The following SEMA7A variants were observed in gnomAD, a reference collection of about 807,000 sequenced individuals.
SEMA7A encodes the protein semaphorin-7A.
SEMA7A carries 21 observed loss-of-function variants against 67.5 expected under a neutral mutation model. The observed-to-expected ratio is 0.31, with a 90% CI of 0.22 to 0.45. The LOEUF is 0.45. Among genes scored for constraint, SEMA7A ranks in the 20% least tolerant of loss-of-function variants. The probability of loss-of-function intolerance (pLI) is 1.00; values close to 1 mark genes in which losing one functional copy is unlikely to be tolerated. For missense variants in SEMA7A, 774 were observed against 908.6 expected (o/e 0.85, Z 1.90); for synonymous variants, 364 against 368.5 (o/e 0.99, Z 0.14).
Position 74,417,985 on chromosome 15 carries a change from AGAAG to A in SEMA7A, c.373-20_373-17del, listed in dbSNP as rs2141278725. On this transcript the variant is annotated splice_polypyrimidine_tract_variant and intron_variant, in intron 3 of 13. Transcript: ENST00000261918. ...TCTCGCAGTCCTGCCCGGGGAAGAG[AGAAG>A]GGAGGAGAGAAATTGGTTGCTGGAA... is the stretch of plus-strand genomic sequence containing the variant. 1 of 1,611,536 alleles carries A rather than the reference AGAAG, an allele frequency of 6.2e-7. No homozygotes were observed. The highest frequency in any genetic ancestry group is 2.2e-5 in the East Asian group (1 of 44,852).
At chr15:74,420,490 C>T (rs898600455) in intron 1 of SEMA7A, among the ~76,000 whole-genome samples, 4 of 152,184 alleles carry the variant, frequency 2.6e-5, no homozygotes, top group African/African-American at 9.7e-5. Flanking sequence ...TCCTGGTGCA[C>T]ATCACAAACA....
chr15:74,430,916 T>G lies in SEMA7A; in HGVS notation c.178+2825A>C, dbSNP rs1018505678. ...AAGTCAACAATAACATCCCGTTGTT[T>G]CACTGGACAAAAGCGAGGGAGGGCA... On this transcript the variant is annotated intron_variant, in intron 1 of 13. Transcript: ENST00000261918. Among the ~76,000 whole-genome samples, 4 of 152,178 alleles carry G rather than the reference T, an allele frequency of 2.6e-5. No individual in the cohort carries two copies. The East Asian group carries it at 7.7e-4, about 29-fold the overall frequency.
At chr15:74,431,918 C>T (rs371112817) in intron 1 of SEMA7A, among the ~76,000 whole-genome samples, 17 of 152,330 alleles carry the variant, frequency 1.1e-4, no homozygotes, top group African/African-American at 3.6e-4. Context: ...AGGGCACAGC[C>T]AGTGTGGCTA....
intron 1 of SEMA7A, among the ~76,000 whole-genome samples, chr15:74,430,576 TG>T (rs2061080261): frequency 6.6e-6 from 1 of 152,238 alleles, no homozygotes; most frequent in African/African-American, 2.4e-5. Flanking sequence ...CCACCGGACC[TG>T]CTCTCAGAAT....
intron 10 of SEMA7A, among the ~76,000 whole-genome samples, chr15:74,413,294 G>A (rs1405353042): frequency 5.9e-5 from 9 of 152,244 alleles, no homozygotes; most frequent in Non-Finnish European, 8.8e-5. Flanking sequence ...TCCCAGTTGT[G>A]AGAGCCTCCC....
At chr15:74,418,243 C>A (rs1386114226) in intron 3 of SEMA7A, 25 bp downstream of exon 3, 1 of 1,611,128 alleles carries the variant, frequency 6.2e-7, no homozygotes, top group East Asian at 2.2e-5. Context: ...GGCTCAGACC[C>A]CTCCATACCC....
In SEMA7A at chr15:74,421,147, C is replaced by T. The variant is rs28362898; in HGVS notation, c.179-2195G>A. 4.4e-3 allele frequency among the ~76,000 whole-genome samples: 664 copies of T among 152,286 alleles called. 5 individuals are homozygous for T. Among genetic ancestry groups the T allele is most frequent in the African/African-American group, 0.015 (617 of 41,552 alleles). ...GGAAAACAGTCCTGCCCTGGGGAGTCGAGCCTGATGGCAGAGACATGACTG... is the reference window on the plus strand; with the variant it reads ...GGAAAACAGTCCTGCCCTGGGGAGTTGAGCCTGATGGCAGAGACATGACTG... On this transcript the variant is annotated intron_variant, in intron 1 of 13. Transcript: ENST00000261918.
At chr15:74,416,052 A>G in intron 7 of SEMA7A, 67 bp from the exon 8 acceptor site, 2 of 1,505,626 alleles carry the variant, frequency 1.3e-6, no homozygotes, top group Non-Finnish European at 1.8e-6. Flanking sequence ...ACCCCAGGAA[A>G]CCACTGCCAG....
At chr15:74,418,234 G>A (rs767159185) in intron 3 of SEMA7A, 34 bp downstream of exon 3, 2 of 1,604,936 alleles carry the variant, frequency 1.2e-6, no homozygotes. Context: ...TTACCAAGTG[G>A]CTCAGACCCC....
Position 74,418,842 on chromosome 15 carries a change from G to A in SEMA7A, c.289C>T (p.Leu97Phe), listed in dbSNP as rs769453157. The A allele has an allele frequency of 2.5e-6, 4 of 1,613,794 alleles. No individual in the cohort carries two copies. The African/African-American group carries it at 4.0e-5, about 16-fold the overall frequency. The stretch of plus-strand genomic sequence containing the variant: ...TTCTTGCCCTCGGGGAAGTCAAAGA[G>A]GTAGACCTTGCCACGTCCTCCCACC... ...VWVGGRGKVY[L>F]FDFPEGKNAS... The change falls in exon 2 of 14, where the codon CTC (leucine) becomes TTC (phenylalanine). Residue 97 changes from leucine (L) to phenylalanine (F), a missense_variant. Around this residue, in one of 2 missense-constraint regions of SEMA7A, gnomAD observed 347 missense variants for 353.2 expected, o/e 0.98. Coordinates refer to ENST00000261918, the MANE Select transcript of SEMA7A (RefSeq NM_003612.5).
chr15:74,422,403 G>A (rs910321548), intron 1 of SEMA7A, among the ~76,000 whole-genome samples: 5 of 152,124 alleles, frequency 3.3e-5, no homozygotes, highest in Admixed American at 6.5e-5. Flanking sequence ...GTAGGGGAGG[G>A]GGCTAGGGAC....
intron 8 of SEMA7A, 77 bp from the exon 9 acceptor site, chr15:74,415,023 G>A: frequency 1.6e-6 from 2 of 1,238,706 alleles, no homozygotes; most frequent in Non-Finnish European, 2.3e-6. Context: ...GGCCAGCCTT[G>A]TGCCTGGCAC....
intron 4 of SEMA7A, 33 bp from the exon 5 acceptor site, chr15:74,417,708 T>C (rs775497066): frequency 1.3e-6 from 2 of 1,585,104 alleles, no homozygotes; most frequent in Non-Finnish European, 1.7e-6. Context: ...GATGGCCACA[T>C]AATCCCACAG....
chr15:74,431,085 C>T (rs1372882059), intron 1 of SEMA7A, among the ~76,000 whole-genome samples: 2 of 152,174 alleles, frequency 1.3e-5, no homozygotes, highest in Non-Finnish European at 2.9e-5. Context: ...AGCTTACAAA[C>T]GCATGCCAAC....
intron 7 of SEMA7A, 115 bp downstream of exon 7, chr15:74,416,460 G>C: frequency 2.7e-6 from 3 of 1,127,240 alleles, no homozygotes; most frequent in South Asian, 3.0e-5. Flanking sequence ...CCCTGACACA[G>C]ACCCACTCAT....
At position 74,410,944 on chromosome 15, in the gene SEMA7A, G is replaced by A. The variant is rs1414471556; in HGVS notation, c.1681C>T (p.Arg561Cys). ...TCCATGGGGCAGCTCAGGTAGTAGCGAGAGTTTGGGGCCAGGGAAACCTTC... is the reference window on the plus strand; with the variant it reads ...TCCATGGGGCAGCTCAGGTAGTAGCAAGAGTTTGGGGCCAGGGAAACCTTC... ...LQKVSLAPNS[R>C]YYLSCPMESR... is the part of the protein sequence containing the mutation. Residue 561 changes from arginine (R) to cysteine (C), a missense_variant, in exon 14 of 14, where the codon CGC (arginine) becomes TGC (cysteine). By Grantham distance (180) the Arg-to-Cys change is radical. Around this residue, in one of 2 missense-constraint regions of SEMA7A, gnomAD observed 427 missense variants for 555.4 expected, o/e 0.77. Coordinates refer to ENST00000261918, the MANE Select transcript of SEMA7A (RefSeq NM_003612.5). The surrounding 1 kb of genome is among the most constrained non-coding windows in gnomAD (Gnocchi z 7.5). 3.7e-6 allele frequency: 6 copies of A among 1,613,864 alleles called. No individual in the cohort carries two copies. The highest frequency in any genetic ancestry group is 2.7e-5 in the African/African-American group (2 of 74,920).
intron 1 of SEMA7A, 75 bp downstream of exon 1, chr15:74,433,666 C>G: frequency 7.5e-7 from 1 of 1,336,180 alleles, no homozygotes; most frequent in Non-Finnish European, 9.5e-7. Flanking sequence ...GCACTCCCTC[C>G]GGGTGCAGCA....
chr15:74,417,234 C>T (rs763985896), intron 6 of SEMA7A, 101 bp downstream of exon 6: 12 of 894,852 alleles, frequency 1.3e-5, no homozygotes, highest in South Asian at 5.7e-5. Context: ...ATGGCCCCAG[C>T]GGCCCTCAGG....
At position 74,418,867 on chromosome 15, in the gene SEMA7A, C is replaced by G; in HGVS notation, c.264G>C (p.Trp88Cys). 1 of 1,613,938 alleles carries G rather than the reference C, an allele frequency of 6.2e-7. No homozygotes were observed. The highest frequency in any genetic ancestry group is 8.5e-7 in the Non-Finnish European group (1 of 1,180,028). The change falls in exon 2 of 14, where the codon TGG becomes TGC. Residue 88 changes from tryptophan to cysteine, a missense_variant. By Grantham distance (215) the Trp-to-Cys change is radical. This residue lies in a region of SEMA7A where 347 missense variants were observed against 353.2 expected (regional missense o/e 0.98). Coordinates refer to ENST00000261918, the MANE Select transcript of SEMA7A (RefSeq NM_003612.5). ...LFHEPGSSSV[W>C]VGGRGKVYLF... ...GGTAGACCTTGCCACGTCCTCCCACCCACACAGAGGAGCTGCCTGGCTCGT... is the reference window on the plus strand; with the variant it reads ...GGTAGACCTTGCCACGTCCTCCCACGCACACAGAGGAGCTGCCTGGCTCGT...
Sources: gnomAD v4.1 joint callset for allele counts (sites outside exome capture counted in the v4.1 genomes callset) on GRCh38, gnomAD v4.1.1 for gene constraint, gnomAD v4.1.1 regional missense constraint, Gnocchi (gnomAD v3.1) non-coding constraint, MANE v1.5 for transcripts, NCBI Gene and HGNC (gene_info 2026-07-23, HGNC 2026-07-21) for gene names.